LONP2: variants seen among roughly 807,000 people sequenced by gnomAD.
The protein encoded by LONP2 is lon protease homolog 2, peroxisomal.
In LONP2, 60 loss-of-function variants were observed where a neutral mutation model predicts 85.6. That is an observed-to-expected ratio of 0.70 (90% confidence interval 0.57 to 0.87). The LOEUF (loss-of-function observed/expected upper bound fraction) is 0.87. Ranked by LOEUF, LONP2 falls within the 40% of genes least tolerant of loss-of-function variation. LONP2 has a pLI of 0.00. For synonymous variants in LONP2, 395 were observed against 389.7 expected (o/e 1.01, Z -0.16); for missense variants, 860 against 1,063.5 (o/e 0.81, Z 2.66).
chr16:48,286,654 A>T (rs1333438153), intron 8 of LONP2, among the ~76,000 whole-genome samples: 1 of 151,646 alleles, frequency 6.6e-6, no homozygotes, highest in Non-Finnish European at 1.5e-5. Flanking sequence ...ACAGGCACAC[A>T]CCAGCATGCC....
chr16:48,311,763 G>A (rs1431597769), intron 11 of LONP2, among the ~76,000 whole-genome samples: 1 of 151,996 alleles, frequency 6.6e-6, no homozygotes, highest in East Asian at 1.9e-4. Flanking sequence ...ACAAATTCAG[G>A]CACATACCAC....
downstream of LONP2, among the ~76,000 whole-genome samples, chr16:48,359,194 C>A (rs1246338130): frequency 6.6e-6 from 1 of 152,066 alleles, no homozygotes; most frequent in Non-Finnish European, 1.5e-5. Flanking sequence ...GAACTCCTGA[C>A]CTTAAGTGAT....
intron 10 of LONP2, among the ~76,000 whole-genome samples, chr16:48,301,338 T>A (rs1039612152): frequency 1.3e-5 from 2 of 152,152 alleles, no homozygotes; most frequent in Non-Finnish European, 2.9e-5. Context: ...GATATTCTTT[T>A]TATTTATTTA....
intron 6 of LONP2, among the ~76,000 whole-genome samples, chr16:48,264,014 C>T (rs1234674450): frequency 3.3e-5 from 5 of 151,896 alleles, no homozygotes; most frequent in Admixed American, 2.6e-4. Context: ...AGGGAGTGTG[C>T]GAATAGGTGT....
intron 6 of LONP2, among the ~76,000 whole-genome samples, chr16:48,266,841 A>G (rs1233006001): frequency 6.6e-6 from 1 of 152,158 alleles, no homozygotes; most frequent in African/African-American, 2.4e-5. Flanking sequence ...CTGTAATCCT[A>G]GCACTTTGAG....
At chr16:48,351,445 A>G (rs1161840642) in intron 14 of LONP2, 136 bp from the exon 15 acceptor site, 1 of 675,812 alleles carries the variant, frequency 1.5e-6, no homozygotes. Context: ...TTCCTAGCTC[A>G]TGCTATAACA....
downstream of LONP2, among the ~76,000 whole-genome samples, chr16:48,358,262 A>C (rs1960448614): frequency 6.6e-6 from 1 of 151,432 alleles, no homozygotes; most frequent in Non-Finnish European, 1.5e-5. Context: ...GGAAAACTTC[A>C]CACAGTTACT....
chr16:48,265,629 G>A (rs922121406), intron 6 of LONP2, among the ~76,000 whole-genome samples: 7 of 152,102 alleles, frequency 4.6e-5, no homozygotes, highest in African/African-American at 7.2e-5. Context: ...CTGTAGCTTC[G>A]TAATATAACT....
intron 11 of LONP2, among the ~76,000 whole-genome samples, chr16:48,310,055 G>C (rs966532324): frequency 2.7e-5 from 4 of 149,810 alleles, no homozygotes; most frequent in African/African-American, 4.9e-5. Flanking sequence ...TTATATACTG[G>C]CCTTTAAAAA....
intron 10 of LONP2, among the ~76,000 whole-genome samples, chr16:48,301,744 A>G (rs1234135916): frequency 6.6e-6 from 1 of 152,182 alleles, no homozygotes; most frequent in African/African-American, 2.4e-5. Context: ...TCACTTTTCT[A>G]TAATTTTCTT....
At chr16:48,260,641 A>G (rs74016349) in intron 4 of LONP2, among the ~76,000 whole-genome samples, 1,867 of 152,356 alleles carry the variant, frequency 0.012, 40 homozygotes, top group African/African-American at 0.042. Flanking sequence ...AAATGCTAGT[A>G]TATAATTTTG....
chr16:48,329,071 A>G (rs772020570), intron 11 of LONP2, among the ~76,000 whole-genome samples: 2 of 152,174 alleles, frequency 1.3e-5, no homozygotes, highest in Non-Finnish European at 2.9e-5. Context: ...TTAATATCTC[A>G]TGTAATGTTA....
At chr16:48,323,157 T>G (rs1285532944) in intron 11 of LONP2, among the ~76,000 whole-genome samples, 1 of 152,216 alleles carries the variant, frequency 6.6e-6, no homozygotes, top group Non-Finnish European at 1.5e-5. Context: ...ATTTTTAACC[T>G]CTGTGGAGGC....
At chr16:48,271,547 T>C (rs144824207) in intron 7 of LONP2, among the ~76,000 whole-genome samples, 1 of 152,306 alleles carries the variant, frequency 6.6e-6, no homozygotes, top group African/African-American at 2.4e-5. Context: ...GTTATTTTTA[T>C]TCTCTTTTAT....
At chr16:48,358,243 A>G (rs1960447528), downstream of LONP2, among the ~76,000 whole-genome samples, 1 of 152,196 alleles carries the variant, frequency 6.6e-6, no homozygotes. Context: ...ATGAGGTGAA[A>G]ATGAAAATGG....
chr16:48,261,340 C>T, intron 4 of LONP2, 84 bp from the exon 5 acceptor site: 1 of 924,328 alleles, frequency 1.1e-6, no homozygotes, highest in Non-Finnish European at 1.6e-6. Context: ...TTATTCAGCA[C>T]CAGTCATAAT....
intron 1 of LONP2, among the ~76,000 whole-genome samples, chr16:48,245,375 T>C (rs763441391): frequency 1.3e-5 from 2 of 152,194 alleles, no homozygotes; most frequent in Non-Finnish European, 2.9e-5. Context: ...AACCTCTATT[T>C]CTTTTATTCT....
At chr16:48,339,317 AAAG>A (rs1195502250) in intron 12 of LONP2, among the ~76,000 whole-genome samples, 1 of 152,190 alleles carries the variant, frequency 6.6e-6, no homozygotes, top group African/African-American at 2.4e-5. Flanking sequence ...TGAGAGATCA[AAAG>A]AAGATCAAGG....
chr16:48,259,272 T>G (rs1181815985), intron 4 of LONP2, among the ~76,000 whole-genome samples: 1 of 152,216 alleles, frequency 6.6e-6, no homozygotes, highest in Admixed American at 6.6e-5. Context: ...TAAAAAGTAT[T>G]TAATTCTTTA....
Sources: allele counts gnomAD v4.1 joint callset (sites outside exome capture counted in the v4.1 genomes callset), GRCh38; gene constraint gnomAD v4.1.1; transcripts MANE v1.5; gene names NCBI Gene and HGNC (gene_info 2026-07-23, HGNC 2026-07-21).